ZNF607: variants seen among roughly 807,000 people sequenced by gnomAD.
The protein encoded by ZNF607 is zinc finger protein 607.
Under a neutral mutation model 12.8 loss-of-function variants are expected in ZNF607, and 5 were observed. The ratio of observed to expected loss-of-function variants is 0.39; its 90% CI spans 0.20 to 0.82. ZNF607 has a LOEUF of 0.82. Among genes scored for constraint, ZNF607 ranks in the 40% least tolerant of loss-of-function variants. ZNF607 has a pLI of 0.39. For synonymous variants in ZNF607, 287 were observed against 276.2 expected (o/e 1.04, Z -0.39); for missense variants, 851 against 859.2 (o/e 0.99, Z 0.12).
intron 4 of ZNF607, among the ~76,000 whole-genome samples, chr19:37,701,876 A>G (rs1235493337): frequency 6.6e-6 from 1 of 152,064 alleles, no homozygotes; most frequent in Non-Finnish European, 1.5e-5. Context: ...CATGGGGGGG[A>G]GACAGAAAAG....
chr19:37,714,563 C>CAAAA (rs56081124), intron 1 of ZNF607, among the ~76,000 whole-genome samples: 1 of 108,262 alleles, frequency 9.2e-6, no homozygotes, highest in Non-Finnish European at 1.8e-5. Context: ...GACCCCATCT[C>CAAAA]AAAAAAAAAA....
Position 37,709,699 on chromosome 19 carries a change from A to T in ZNF607, c.133T>A (p.Leu45Met). 1.9e-6 allele frequency: 3 copies of T among 1,613,568 alleles called. No individual in the cohort carries two copies. The Admixed American group carries it at 5.0e-5, about 27-fold the overall frequency. Residue 45 changes from leucine to methionine, a missense_variant, in exon 3 of 5, where the codon TTG becomes ATG. By Grantham distance (15) the Leu-to-Met change is conservative. Transcript: ENST00000355202. ...MMENYDNLVSLAGHSVSKPDL... is the reference protein window; with the variant it reads ...MMENYDNLVSMAGHSVSKPDL... Reference sequence around the variant, plus strand: ...CATTCCAGGTTGATAAACATACCCAATGAGACTAAGTTGTCATAGTTCTCC... The same window carrying T: ...CATTCCAGGTTGATAAACATACCCATTGAGACTAAGTTGTCATAGTTCTCC...
At chr19:37,712,167 A>AAAT (rs1461996302) in intron 1 of ZNF607, among the ~76,000 whole-genome samples, 2 of 152,212 alleles carry the variant, frequency 1.3e-5, no homozygotes, top group African/African-American at 4.8e-5. Flanking sequence ...CTTCCTAGTT[A>AAAT]AATATATAAC....
At chr19:37,710,767 CTCAA>C (rs1470674496) in intron 2 of ZNF607, among the ~76,000 whole-genome samples, 3 of 152,286 alleles carry the variant, frequency 2.0e-5, no homozygotes, top group East Asian at 3.9e-4. Flanking sequence ...CTCATAACTT[CTCAA>C]TCAATGTGTG....
rs111523837 is a variant in ZNF607 at position 37,700,786 on chromosome 19, G to T, written c.236-891C>A. Among the ~76,000 whole-genome samples, 897 of 152,182 alleles carry T rather than the reference G, an allele frequency of 5.9e-3. 10 individuals are homozygous for T. Among genetic ancestry groups the T allele is most frequent in the African/African-American group, 0.02 (847 of 41,534 alleles). ...ATGTGATGGGTTAGGAAACGGAATA[G>T]TGTCAACACCTAAATCAAAGACATG... On this transcript the variant is annotated intron_variant, in intron 4 of 4. Coordinates refer to ENST00000355202, the MANE Select transcript of ZNF607 (RefSeq NM_032689.5).
In ZNF607 at chr19:37,706,216, AGAGAGGAGAAAG is replaced by A. The variant is rs913456270; in HGVS notation, c.235+1686_235+1697del. On this transcript the variant is annotated intron_variant, in intron 4 of 4. Transcript: ENST00000355202. Reference sequence around the variant, plus strand: ...CTCGAAAGATGGAAAAGAGAGGAGAAGAGAGGAGAAAGGAGAGGAGAAAGGAGAAGAAAAAGG... The same window carrying A: ...CTCGAAAGATGGAAAAGAGAGGAGAAGAGAGGAGAAAGGAGAAGAAAAAGG... Among the ~76,000 whole-genome samples the A allele has an allele frequency of 2.1e-3, 324 of 151,340 alleles. 1 individual carries two copies. The highest frequency in any genetic ancestry group is 7.0e-3 in the African/African-American group (288 of 41,252).
At position 37,698,320 on chromosome 19, in the gene ZNF607, A is replaced by G. The variant is rs1054630102; in HGVS notation, c.1811T>C (p.Leu604Pro). The change falls in exon 5 of 5, where the codon CTT (leucine) becomes CCT (proline). Residue 604 changes from leucine (L) to proline (P), a missense_variant. Transcript: ENST00000355202. The part of the protein sequence containing the change: ...CGETFSHASH[L>P]IIHERIHTSD... Reference sequence around the variant, plus strand: ...GGTATGAATTCTCTCATGAATAATAAGATGTGAAGCATGACTAAAAGTTTC... The same window carrying G: ...GGTATGAATTCTCTCATGAATAATAGGATGTGAAGCATGACTAAAAGTTTC... 2 of 1,614,184 alleles carry G rather than the reference A, an allele frequency of 1.2e-6. No homozygotes were observed. Among genetic ancestry groups the G allele is most frequent in the Admixed American group, 1.7e-5 (1 of 60,022 alleles).
At position 37,719,258 on chromosome 19, in the gene ZNF607, C is replaced by T. The variant is rs149183824; in HGVS notation, c.-75+11G>A. On this transcript the variant is annotated intron_variant, in intron 1 of 4. Coordinates refer to ENST00000355202, the MANE Select transcript of ZNF607 (RefSeq NM_032689.5). ...ACGGCATGTACAGGTCACACAAGGT[C>T]GACTACGCACCCCTCACAGTCCCGC... 741 of 153,206 alleles carry T rather than the reference C, an allele frequency of 4.8e-3. 10 individuals are homozygous for T. The highest frequency in any genetic ancestry group is 0.017 in the African/African-American group (705 of 41,594). The allele number at this position is 153,206 out of a possible 1,614,324, so 9.5% of individuals were successfully genotyped here. A position where few individuals can be genotyped will look rare whatever the true frequency, so the allele number is the denominator to read the frequency against.
chr19:37,710,677 T>A (rs2045126168), intron 2 of ZNF607, among the ~76,000 whole-genome samples: 1 of 152,320 alleles, frequency 6.6e-6, no homozygotes, highest in Non-Finnish European at 1.5e-5. Context: ...GTATCTGACC[T>A]TTTTGAAAAT....
At chr19:37,701,940 CTTGA>C (rs1374327144) in intron 4 of ZNF607, among the ~76,000 whole-genome samples, 1 of 152,050 alleles carries the variant, frequency 6.6e-6, no homozygotes, top group Non-Finnish European at 1.5e-5. Flanking sequence ...AGTCAGTAAA[CTTGA>C]TTGATCAATA....
chr19:37,698,310 A>G lies in ZNF607; in HGVS notation c.1821T>C (p.His607=). 1 of 1,614,168 alleles carries G rather than the reference A, an allele frequency of 6.2e-7. No homozygotes were observed. Among genetic ancestry groups the G allele is most frequent in the Non-Finnish European group, 8.5e-7 (1 of 1,180,024 alleles). ...TFSHASHLII[H]ERIHTSDKPY... is the part of the protein sequence containing the mutation. Reference sequence around the variant, plus strand: ...GTTTATCACTGGTATGAATTCTCTCATGAATAATAAGATGTGAAGCATGAC... The same window carrying G: ...GTTTATCACTGGTATGAATTCTCTCGTGAATAATAAGATGTGAAGCATGAC... The change falls in exon 5 of 5, where the codon CAT becomes CAC. Residue 607 remains histidine (H), a synonymous_variant. Transcript: ENST00000355202.
rs1460063551 is a variant in ZNF607, at chr19:37,700,073, C to T, written c.236-178G>A. 2.0e-5 allele frequency among the ~76,000 whole-genome samples: 3 copies of T among 152,142 alleles called. 1 individual carries two copies. The highest frequency in any genetic ancestry group is 2.0e-4 in the Admixed American group (3 of 15,270). On this transcript the variant is annotated intron_variant, in intron 4 of 4. Coordinates refer to ENST00000355202, the MANE Select transcript of ZNF607 (RefSeq NM_032689.5). ...GCAGTGGAATGCAGCCTTACACACA[C>T]AGGCACACATACACAAAGAGACACA...
intron 4 of ZNF607, chr19:37,706,246 G>C (rs1247019194): frequency 6.9e-6 from 1 of 144,366 alleles, no homozygotes; most frequent in Admixed American, 7.3e-5. Flanking sequence ...GAAAGGAGAA[G>C]AAAAAGGAGA....
At chr19:37,699,934 A>T in intron 4 of ZNF607, 39 bp from the exon 5 acceptor site, 1 of 1,423,610 alleles carries the variant, frequency 7.0e-7, no homozygotes, top group Non-Finnish European at 9.3e-7. Context: ...TTGGATGAGA[A>T]AATGTCAATG....
At chr19:37,717,197 T>A (rs1568408910) in intron 1 of ZNF607, among the ~76,000 whole-genome samples, 1 of 152,186 alleles carries the variant, frequency 6.6e-6, no homozygotes, top group Non-Finnish European at 1.5e-5. Context: ...TTAAATTTTA[T>A]TTTTTTGAGA....
At position 37,709,922 on chromosome 19, in the gene ZNF607, C is replaced by T. The variant is rs568485831; in HGVS notation, c.10-100G>A. The T allele has an allele frequency of 5.2e-4, 716 of 1,382,714 alleles. 1 individual carries two copies. The highest frequency in any genetic ancestry group is 9.5e-4 in the Admixed American group (49 of 51,528). The allele number at this position is 1,382,714 out of a possible 1,614,324, so 85.7% of individuals were successfully genotyped here. ...CTGTAATCCCAGCACTTTGGGAGGC[C>T]GAGGCGGGCAGATCATGAGGTCAAG... On this transcript the variant is annotated intron_variant, in intron 2 of 4. Coordinates refer to ENST00000355202, the MANE Select transcript of ZNF607 (RefSeq NM_032689.5).
In ZNF607 at chr19:37,698,903, T is replaced by G. The variant is rs753000124; in HGVS notation, c.1228A>C (p.Ile410Leu). Residue 410 changes from isoleucine (I) to leucine (L), a missense_variant, in exon 5 of 5, where the codon ATA becomes CTA. Ile to Leu is a conservative substitution (Grantham distance 5). Coordinates refer to ENST00000355202, the MANE Select transcript of ZNF607 (RefSeq NM_032689.5). ...KSFRLNSSLK[I>L]HQNIHTGEKP... The stretch of plus-strand genomic sequence containing the variant: ...TCACCGGTATGAATATTTTGATGTA[T>G]TTTAAGGGATGAATTGAGCCTAAAG... 2 of 1,613,886 alleles carry G rather than the reference T, an allele frequency of 1.2e-6. No individual in the cohort carries two copies. Among genetic ancestry groups the G allele is most frequent in the East Asian group, 4.5e-5 (2 of 44,860 alleles).
At chr19:37,711,048 CATT>C (rs556461771) in intron 2 of ZNF607, among the ~76,000 whole-genome samples, 95 of 152,184 alleles carry the variant, frequency 6.2e-4, no homozygotes, top group Non-Finnish European at 1.2e-3. Context: ...TTTATCATGA[CATT>C]ATTATTTTAT....
intron 1 of ZNF607, among the ~76,000 whole-genome samples, chr19:37,712,716 C>T (rs1293124448): frequency 1.3e-5 from 2 of 152,134 alleles, no homozygotes; most frequent in African/African-American, 2.4e-5. Context: ...ACTTCCTTCA[C>T]GATTATTGTA....
Sources: allele counts gnomAD v4.1 joint callset (sites outside exome capture counted in the v4.1 genomes callset), GRCh38; gene constraint gnomAD v4.1.1; transcripts MANE v1.5; gene names NCBI Gene and HGNC (gene_info 2026-07-23, HGNC 2026-07-21).